BAIAP2L2: variants seen among roughly 807,000 people sequenced by gnomAD.
BAIAP2L2 encodes the protein BAR/IMD domain-containing adapter protein 2-like 2.
A neutral mutation model predicts 60.4 loss-of-function variants in BAIAP2L2; 65 were observed. That is an observed-to-expected ratio of 1.08 (90% CI 0.88 to 1.32). The LOEUF is 1.32. BAIAP2L2 is among the 40% of genes most tolerant of loss of function. The probability of loss-of-function intolerance (pLI) is 0.00; values close to 1 mark genes in which losing one functional copy is unlikely to be tolerated. For synonymous variants in BAIAP2L2, 344 were observed against 301.7 expected, an observed-to-expected ratio of 1.14 and a Z score of -1.45; for missense variants, 836 against 741.2, an observed-to-expected ratio of 1.13 and a Z score of -1.48.
At position 38,085,128 on chromosome 22, in the gene BAIAP2L2, A is replaced by G; in HGVS notation, c.*172T>C. 2 of 629,386 alleles carry G rather than the reference A, an allele frequency of 3.2e-6. No individual in the cohort carries two copies. The highest frequency in any genetic ancestry group is 5.5e-6 in the Non-Finnish European group (2 of 363,748). 39.0% of individuals were successfully genotyped at this position (629,386 alleles called of 1,614,324 possible). A position where few individuals can be genotyped will look rare whatever the true frequency, so the allele number is the denominator to read the frequency against. ...CTTTACTTTGAAGGTCTCGGACCCC[A>G]AGCCAGTGCTTTGGAGCTGCTCAGG... On this transcript the variant is annotated 3_prime_UTR_variant, in exon 14 of 14. Transcript: ENST00000381669.
chr22:38,088,901 C>T lies in BAIAP2L2; in HGVS notation c.965G>A (p.Gly322Asp). Residue 322 changes from glycine (G) to aspartate (D), a missense_variant, in exon 10 of 14, where the codon GGC becomes GAC. Coordinates refer to ENST00000381669, the MANE Select transcript of BAIAP2L2 (RefSeq NM_025045.6). ...GCGGACTCTCCTGGCGCCCCCGCCG[C>T]CGCCCGGGCGCTCGCCAAAGGAGTT... ...RSNSFGERPG[G>D]GGGARRVRAL... The T allele has an allele frequency of 6.4e-7, 1 of 1,566,972 alleles. No homozygotes were observed. The highest frequency in any genetic ancestry group is 8.6e-7 in the Non-Finnish European group (1 of 1,164,322).
intron 1 of BAIAP2L2, among the ~76,000 whole-genome samples, chr22:38,110,121 G>GAGAGAGAGAC: frequency 9.6e-5 from 4 of 41,866 alleles, no homozygotes. Flanking sequence ...GAGAGAGAGG[G>GAGAGAGAGAC]AGAGAGAGAG....
rs541258154 is a variant in BAIAP2L2, at chr22:38,087,895, C to CT, written c.1119-632_1119-631insA. On this transcript the variant is annotated intron_variant, in intron 10 of 13. Coordinates refer to ENST00000381669, the MANE Select transcript of BAIAP2L2 (RefSeq NM_025045.6). ...CCCTAACCACCCAGTCAGTGACCCC[C>CT]CCCCCGCCATTTAAGGCCATCCACT... 1.5e-4 allele frequency among the ~76,000 whole-genome samples: 22 copies of CT among 151,366 alleles called. No homozygotes were observed. In the South Asian group the frequency reaches 2.5e-3, roughly 17 times the overall value.
Position 38,088,940 on chromosome 22 carries a change from T to TGGGCGC in BAIAP2L2, c.920_925dup (p.Ala308_Gln309insArgAla). On this transcript the variant is annotated inframe_insertion, in exon 10 of 14. Transcript: ENST00000381669. ...GCCAAAGGAGTTGGAGCGCGAGCTT[T>TGGGCGC]GGGCGCTGCCGCTGTAGAGCGAGGC... is the stretch of plus-strand genomic sequence containing the variant. The TGGGCGC allele has an allele frequency of 2.0e-6, 3 of 1,536,050 alleles. No individual in the cohort carries two copies. Among genetic ancestry groups the TGGGCGC allele is most frequent in the Non-Finnish European group, 2.6e-6 (3 of 1,147,262 alleles).
At chr22:38,088,647 G>A (rs1440388373) in intron 10 of BAIAP2L2, 101 bp downstream of exon 10, 4 of 1,225,774 alleles carry the variant, frequency 3.3e-6, no homozygotes, top group African/African-American at 1.5e-5. Context: ...CGAGGCCCCC[G>A]GGGGAGGCCA....
chr22:38,107,982 C>T (rs972133166), intron 3 of BAIAP2L2, 69 bp from the exon 4 acceptor site: 54 of 1,519,744 alleles, frequency 3.6e-5, no homozygotes, highest in Admixed American at 8.6e-5. Context: ...CACCCTCTTC[C>T]GCTGAAAGCC....
rs2086076043 is a variant in BAIAP2L2 at position 38,086,446 on chromosome 22, G to A, written c.1263C>T (p.Ser421=). 6.7e-7 allele frequency: 1 copy of A among 1,503,628 alleles called. No homozygotes were observed. The highest frequency in any genetic ancestry group is 1.3e-5 in the South Asian group (1 of 76,282). The allele number at this position is 1,503,628 out of a possible 1,614,324, so 93.1% of individuals were successfully genotyped here. Residue 421 remains serine, a synonymous_variant, in exon 12 of 14, where the codon TCC becomes TCT. Transcript: ENST00000381669. ...GGCTGTGGCTGCCCCGGAGTGGGTA[G>A]GACCTAAGTCCAGAGAAAGGAGGGG... is the stretch of plus-strand genomic sequence containing the variant. ...MNPGNELPSR[S]YPLRGSHSLD...
In BAIAP2L2 at chr22:38,089,533, A is replaced by G. The variant is rs17856487; in HGVS notation, c.754T>C (p.Cys252Arg). 0.41 allele frequency: 498,620 copies of G among 1,215,982 alleles called. 103,832 individuals carry two copies. Among genetic ancestry groups the G allele is most frequent in the South Asian group, 0.49 (11,799 of 24,268 alleles). 75.3% of individuals were successfully genotyped at this position (1,215,982 alleles called of 1,614,324 possible). Reference protein sequence around the residue: ...PYPSGRLTPTCLDMPPRPLGE... With the variant: ...PYPSGRLTPTRLDMPPRPLGE... ...GCCCAGGGCCTCACCATGTCCAGGCAGGTGGGCGTCAGGCGGCCCGAGGGG... is the reference window on the plus strand; with the variant it reads ...GCCCAGGGCCTCACCATGTCCAGGCGGGTGGGCGTCAGGCGGCCCGAGGGG... Residue 252 changes from cysteine (C) to arginine (R), a missense_variant, in exon 8 of 14, where the codon TGC (cysteine) becomes CGC (arginine). Cys to Arg is a radical substitution (Grantham distance 180). Coordinates refer to ENST00000381669, the MANE Select transcript of BAIAP2L2 (RefSeq NM_025045.6).
intron 10 of BAIAP2L2, 34 bp downstream of exon 10, chr22:38,088,714 A>C (rs1601992777): frequency 8.1e-5 from 63 of 775,028 alleles, no homozygotes; most frequent in East Asian, 1.4e-4. Flanking sequence ...CTTCTTCTCA[A>C]CCCACCCCCG....
chr22:38,085,722 G>A lies in BAIAP2L2; in HGVS notation c.1478C>T (p.Ser493Phe), dbSNP rs368625419. 72 of 1,602,612 alleles carry A rather than the reference G, an allele frequency of 4.5e-5. No homozygotes were observed. The highest frequency in any genetic ancestry group is 5.8e-5 in the Non-Finnish European group (68 of 1,176,322). ...AVATDVKKLMSSEQYPPQELF... is the reference protein window; with the variant it reads ...AVATDVKKLMFSEQYPPQELF... ...CTCCTGTGGTGGGTACTGCTCTGAG[G>A]ACATCAGTTTCTGCAGTGGGGGTGG... The change falls in exon 13 of 14, where the codon TCC becomes TTC. Residue 493 changes from serine (S) to phenylalanine (F), a missense_variant. Coordinates refer to ENST00000381669, the MANE Select transcript of BAIAP2L2 (RefSeq NM_025045.6).
At chr22:38,101,362 G>C (rs1423000035) in intron 4 of BAIAP2L2, among the ~76,000 whole-genome samples, 3 of 105,208 alleles carry the variant, frequency 2.9e-5, no homozygotes, top group African/African-American at 1.2e-4. Context: ...GTAAGATGCT[G>C]TCTCTACATA....
intron 10 of BAIAP2L2, among the ~76,000 whole-genome samples, chr22:38,087,890 ACCC>A (rs397824711): frequency 2.6e-5 from 3 of 115,860 alleles, no homozygotes; most frequent in African/African-American, 1.1e-4. Context: ...CCAGTCAGTG[ACCC>A]CCCCCCCGCC....
At chr22:38,108,096 C>T (rs181486678) in intron 3 of BAIAP2L2, among the ~76,000 whole-genome samples, 159 bp downstream of exon 3, 3 of 152,290 alleles carry the variant, frequency 2.0e-5, no homozygotes, top group Non-Finnish European at 4.4e-5. Context: ...GGGAGCAGCC[C>T]GGCAGGGAGT....
chr22:38,094,830 A>C (rs1415389942), intron 7 of BAIAP2L2, among the ~76,000 whole-genome samples: 1 of 135,988 alleles, frequency 7.4e-6, no homozygotes, highest in African/African-American at 3.0e-5. Flanking sequence ...AGGGCGTGGG[A>C]GGCGTGGGAG....
intron 4 of BAIAP2L2, among the ~76,000 whole-genome samples, chr22:38,101,350 T>C (rs1176492554): frequency 8.7e-6 from 1 of 114,992 alleles, no homozygotes; most frequent in African/African-American, 3.6e-5. Flanking sequence ...CTGGGCAACA[T>C]AGTAAGATGC....
At chr22:38,102,947 GA>G (rs1409604384) in intron 4 of BAIAP2L2, among the ~76,000 whole-genome samples, 1 of 151,876 alleles carries the variant, frequency 6.6e-6, no homozygotes, top group Admixed American at 6.6e-5. Context: ...TCGGGAGGCT[GA>G]GGCAGGAGAA....
upstream of BAIAP2L2, chr22:38,110,772 C>T: frequency 1.9e-6 from 1 of 521,428 alleles, no homozygotes. Flanking sequence ...GCCGGGCAGG[C>T]TCGTGTGACC....
chr22:38,102,813 G>C (rs2086592449), intron 4 of BAIAP2L2, among the ~76,000 whole-genome samples: 1 of 151,992 alleles, frequency 6.6e-6, no homozygotes, highest in South Asian at 2.1e-4. Flanking sequence ...ACCAAGGCGG[G>C]TGGATCACGA....
chr22:38,090,401 C>A (rs1340934189), intron 7 of BAIAP2L2: 1 of 152,062 alleles, frequency 6.6e-6, no homozygotes, highest in Non-Finnish European at 1.5e-5. Flanking sequence ...CGTGAGCCAC[C>A]GAGCCTGGCC....
Sources: allele counts gnomAD v4.1 joint callset (sites outside exome capture counted in the v4.1 genomes callset), GRCh38; gene constraint gnomAD v4.1.1; transcripts MANE v1.5; gene names NCBI Gene and HGNC (gene_info 2026-07-23, HGNC 2026-07-21).